Variants in RELN observed in about 807,000 individuals in gnomAD.
The protein encoded by RELN is reelin.
A neutral mutation model predicts 427.6 loss-of-function variants in RELN; 108 were observed. The ratio of observed to expected loss-of-function variants is 0.25; its 90% CI spans 0.22 to 0.30. The LOEUF (loss-of-function observed/expected upper bound fraction) is 0.30. Ranked by LOEUF, RELN falls within the 10% of genes least tolerant of loss-of-function variation. The probability of loss-of-function intolerance (pLI) is 1.00; values close to 1 mark genes in which losing one functional copy is unlikely to be tolerated. For missense variants in RELN, 3,715 were observed against 4,302.8 expected (o/e 0.86, Z 3.82); for synonymous variants, 1,524 against 1,513.4 (o/e 1.01, Z -0.16).
At chr7:103,810,118 C>A (rs1347744281) in intron 3 of RELN, among the ~76,000 whole-genome samples, 2 of 152,090 alleles carry the variant, frequency 1.3e-5, no homozygotes, top group Non-Finnish European at 2.9e-5. Context: ...CTTCAATTAC[C>A]TTGCTGTTAT....
At chr7:103,739,854 C>T (rs1457630119) in intron 6 of RELN, among the ~76,000 whole-genome samples, 1 of 152,102 alleles carries the variant, frequency 6.6e-6, no homozygotes, top group Non-Finnish European at 1.5e-5. Context: ...CAATTGCACA[C>T]CAGAGTACAG....
Position 103,830,106 on chromosome 7 carries a change from A to G in RELN, c.473+3431T>C, listed in dbSNP as rs1793240387. On this transcript the variant is annotated intron_variant, in intron 3 of 64. Coordinates refer to ENST00000428762, the MANE Select transcript of RELN (RefSeq NM_005045.4). ...ACAATTGTAGGATGCCATCAAATGT[A>G]AAATACAACCCTACTTCAGAGATGC... is the stretch of plus-strand genomic sequence containing the variant. Among the ~76,000 whole-genome samples the G allele has an allele frequency of 1.3e-5, 2 of 152,096 alleles. 1 individual carries two copies. The highest frequency in any genetic ancestry group is 1.3e-4 in the Admixed American group (2 of 15,254).
chr7:103,572,057 CAGAAG>C, intron 31 of RELN, 122 bp downstream of exon 31: 1 of 703,654 alleles, frequency 1.4e-6, no homozygotes, highest in Non-Finnish European at 2.6e-6. Flanking sequence ...TTCTACAAAG[CAGAAG>C]AGAAGAGAAG....
intron 3 of RELN, among the ~76,000 whole-genome samples, chr7:103,784,734 C>G (rs1265262608): frequency 6.6e-6 from 1 of 152,148 alleles, no homozygotes; most frequent in East Asian, 1.9e-4. Flanking sequence ...ACATTTCTTA[C>G]CTTGGCCCTG....
chr7:103,488,474 C>T (rs1828524762), intron 60 of RELN, among the ~76,000 whole-genome samples: 3 of 152,180 alleles, frequency 2.0e-5, no homozygotes, highest in Admixed American at 2.0e-4. Flanking sequence ...GTGACAATGA[C>T]ACCAGGGGAG....
At chr7:103,516,159 T>C (rs1829562255) in intron 49 of RELN, among the ~76,000 whole-genome samples, 1 of 152,122 alleles carries the variant, frequency 6.6e-6, no homozygotes, top group African/African-American at 2.4e-5. Context: ...AGGTCTAAAA[T>C]GCCCTTTAAT....
intron 3 of RELN, among the ~76,000 whole-genome samples, chr7:103,813,516 T>C (rs1189726994): frequency 1.3e-5 from 2 of 150,160 alleles, no homozygotes; most frequent in South Asian, 2.1e-4. Context: ...TTTTGTCTTA[T>C]ACTTAATTTA....
chr7:103,954,444 A>ATGTG (rs34674439), intron 1 of RELN, among the ~76,000 whole-genome samples: 71 of 151,548 alleles, frequency 4.7e-4, no homozygotes, highest in African/African-American at 1.5e-3. Context: ...ATGTGTAAGC[A>ATGTG]TGTGTGTGTG....
At chr7:103,659,046 T>C (rs1833082517) in intron 12 of RELN, among the ~76,000 whole-genome samples, 2 of 151,916 alleles carry the variant, frequency 1.3e-5, no homozygotes, top group Admixed American at 1.3e-4. Context: ...GCAGTTCTAG[T>C]GGCTCCAGTT....
At chr7:103,911,443 T>C (rs1165811763) in intron 2 of RELN, among the ~76,000 whole-genome samples, 1 of 136,568 alleles carries the variant, frequency 7.3e-6, no homozygotes, top group Non-Finnish European at 1.5e-5. Context: ...GAAGTCAGTG[T>C]GGCGATTCCT....
Position 103,651,712 on chromosome 7 carries a change from G to C in RELN, c.1841C>G (p.Ala614Gly). Residue 614 changes from alanine to glycine, a missense_variant, in exon 15 of 65, where the codon GCT (alanine) becomes GGT (glycine). Around this residue, in one of 4 missense-constraint regions of RELN, gnomAD observed 2,208 missense variants for 2,361.7 expected, o/e 0.93. Transcript: ENST00000428762. ...AGTGCTGTGGGGGAGGTGGGGTCCA[G>C]CACAGATCTCAGGTAAGCATTCAGT... ...LHTECLPEIC[A>G]GPHLPHSTVY... The C allele has an allele frequency of 6.2e-7, 1 of 1,611,760 alleles. No individual in the cohort carries two copies. Among genetic ancestry groups the C allele is most frequent in the Non-Finnish European group, 8.5e-7 (1 of 1,178,484 alleles).
intron 7 of RELN, among the ~76,000 whole-genome samples, chr7:103,724,451 G>A (rs1382661223): frequency 6.6e-6 from 1 of 152,160 alleles, no homozygotes; most frequent in Non-Finnish European, 1.5e-5. Flanking sequence ...ATGACTTGGA[G>A]AGGTGACTGA....
intron 2 of RELN, among the ~76,000 whole-genome samples, chr7:103,853,655 T>C (rs1182526740): frequency 2.0e-5 from 3 of 152,018 alleles, no homozygotes; most frequent in Non-Finnish European, 2.9e-5. Flanking sequence ...TTTAAATTCA[T>C]TTATATACCT....
intron 8 of RELN, among the ~76,000 whole-genome samples, chr7:103,709,259 G>A (rs1789729128): frequency 1.3e-5 from 2 of 152,032 alleles, no homozygotes; most frequent in South Asian, 4.2e-4. Context: ...AGCATCTCAG[G>A]GTGGCACCAA....
chr7:103,678,145 C>T (rs963984561), intron 11 of RELN, among the ~76,000 whole-genome samples: 1 of 147,716 alleles, frequency 6.8e-6, no homozygotes, highest in African/African-American at 2.5e-5. Context: ...GTGGCAATAG[C>T]AGTAAAACAG....
chr7:103,735,168 C>T (rs1225499371), intron 6 of RELN, among the ~76,000 whole-genome samples: 1 of 151,970 alleles, frequency 6.6e-6, no homozygotes, highest in Non-Finnish European at 1.5e-5. Flanking sequence ...AAAAGAAAGG[C>T]TTTGAACCAG....
intron 11 of RELN, among the ~76,000 whole-genome samples, chr7:103,674,503 G>A (rs1291403346): frequency 6.6e-6 from 1 of 151,942 alleles, no homozygotes; most frequent in Non-Finnish European, 1.5e-5. Context: ...GTGGAAAAAA[G>A]CCCACTGACT....
chr7:103,730,777 AT>A, intron 6 of RELN, among the ~76,000 whole-genome samples: 1 of 152,228 alleles, frequency 6.6e-6, no homozygotes, highest in East Asian at 1.9e-4. Flanking sequence ...CTTTACTTGA[AT>A]TTCTCACAGT....
intron 11 of RELN, among the ~76,000 whole-genome samples, chr7:103,674,431 C>T (rs1037722798): frequency 6.6e-6 from 1 of 151,504 alleles, no homozygotes; most frequent in African/African-American, 2.4e-5. Context: ...GGTGGTTTTC[C>T]TTAGATTTCG....
Sources: gnomAD v4.1 joint callset for allele counts (sites outside exome capture counted in the v4.1 genomes callset) on GRCh38, gnomAD v4.1.1 for gene constraint, gnomAD v4.1.1 regional missense constraint, MANE v1.5 for transcripts, NCBI Gene and HGNC (gene_info 2026-07-23, HGNC 2026-07-21) for gene names.